USP47: variants seen among roughly 807,000 people sequenced by gnomAD.
USP47 encodes the protein ubiquitin carboxyl-terminal hydrolase 47.
In USP47, 35 loss-of-function variants were observed where a neutral mutation model predicts 165.1. That is an observed-to-expected ratio of 0.21 (90% CI 0.16 to 0.28). The LOEUF is 0.28. Ranked by LOEUF, USP47 falls within the 10% of genes least tolerant of loss-of-function variation. The pLI, the probability that USP47 is intolerant of heterozygous loss-of-function variation, is 1.00. For missense variants in USP47, 1,277 were observed against 1,607.4 expected (o/e 0.79, Z 3.52); for synonymous variants, 531 against 544.5 (o/e 0.98, Z 0.35).
chr11:11,896,751 C>T lies in USP47; in HGVS notation c.497-846C>T, dbSNP rs530951494. Among the ~76,000 whole-genome samples, 3 of 151,966 alleles carry T rather than the reference C, an allele frequency of 2.0e-5. No individual in the cohort carries two copies. In the South Asian group the frequency reaches 6.2e-4, roughly 32 times the overall value. ...CTCTAATACGGATTAAATATAGGAT[C>T]CTATGAGAACAACTCAAGTGGGGAA... On this transcript the variant is annotated intron_variant, in intron 4 of 27. Coordinates refer to ENST00000527733, the MANE Select transcript of USP47 (RefSeq NM_001282659.2).
At chr11:11,856,206 A>T (rs1185258802) in intron 1 of USP47, among the ~76,000 whole-genome samples, 1 of 152,204 alleles carries the variant, frequency 6.6e-6, no homozygotes, top group African/African-American at 2.4e-5. Context: ...TTAGGGGGCA[A>T]AAAATATTTT....
chr11:11,841,977 A>T lies in USP47; in HGVS notation c.-209A>T. 1.9e-6 allele frequency: 1 copy of T among 531,282 alleles called. No homozygotes were observed. The highest frequency in any genetic ancestry group is 3.3e-6 in the Non-Finnish European group (1 of 303,744). The allele number at this position is 531,282 out of a possible 1,614,324, so 32.9% of individuals were successfully genotyped here. A position where few individuals can be genotyped will look rare whatever the true frequency, so the allele number is the denominator to read the frequency against. ...GGGCTGGGGGAGGGGCCGACGACGA[A>T]GGCGGCTGTGGTAGCGGCGGCGGCG... On this transcript the variant is annotated 5_prime_UTR_variant, in exon 1 of 28. The change creates a new upstream start codon in the 5' untranslated region. Coordinates refer to ENST00000527733, the MANE Select transcript of USP47 (RefSeq NM_001282659.2).
At position 11,897,703 on chromosome 11, in the gene USP47, C is replaced by A; in HGVS notation, c.593+10C>A. 6.5e-7 allele frequency: 1 copy of A among 1,538,648 alleles called. No individual in the cohort carries two copies. The highest frequency in any genetic ancestry group is 1.2e-5 in the South Asian group (1 of 82,890). The stretch of plus-strand genomic sequence containing the variant: ...GGAATGCATTATATAAGTGAGTATT[C>A]AAAAAAATTGTATACATAAAATTGA... On this transcript the variant is annotated intron_variant, in intron 5 of 27. Transcript: ENST00000527733.
intron 17 of USP47, among the ~76,000 whole-genome samples, chr11:11,937,299 G>A (rs1855141018): frequency 6.6e-6 from 1 of 151,804 alleles, no homozygotes; most frequent in Non-Finnish European, 1.5e-5. Context: ...TTGCATCAGT[G>A]GTTAGTGAGA....
At position 11,956,087 on chromosome 11, in the gene USP47, G is replaced by A; in HGVS notation, c.3980G>A (p.Gly1327Glu). 6.2e-7 allele frequency: 1 copy of A among 1,611,744 alleles called. No homozygotes were observed. Among genetic ancestry groups the A allele is most frequent in the South Asian group, 1.1e-5 (1 of 90,538 alleles). The change falls in exon 28 of 28, where the codon GGA becomes GAA. Residue 1327 changes from glycine to glutamate, a missense_variant. By Grantham distance (98) the Gly-to-Glu change is moderately conservative. Around this residue, in one of 4 missense-constraint regions of USP47, gnomAD observed 909 missense variants for 1,068.1 expected, o/e 0.85. Coordinates refer to ENST00000527733, the MANE Select transcript of USP47 (RefSeq NM_001282659.2). Reference sequence around the variant, plus strand: ...GAAAGCAGTCGACTCCAGAAGACTGGACATCGTGTAACATACTCACCTCGT... The same window carrying A: ...GAAAGCAGTCGACTCCAGAAGACTGAACATCGTGTAACATACTCACCTCGT... ...KKESSRLQKT[G>E]HRVTYSPRKE...
chr11:11,882,393 T>C (rs1850889162), intron 2 of USP47, among the ~76,000 whole-genome samples: 1 of 152,188 alleles, frequency 6.6e-6, no homozygotes, highest in Non-Finnish European at 1.5e-5. Context: ...GTTGCCTGAT[T>C]TGCCCTTAAA....
At chr11:11,922,595 C>A in intron 10 of USP47, 129 bp from the exon 11 acceptor site, 1 of 675,210 alleles carries the variant, frequency 1.5e-6, no homozygotes, top group Non-Finnish European at 2.2e-6. Context: ...AATAAATGTA[C>A]TCAAAGTAAA....
chr11:11,930,163 A>AT, intron 13 of USP47, 43 bp downstream of exon 13: 1 of 1,519,082 alleles, frequency 6.6e-7, no homozygotes, highest in South Asian at 1.1e-5. Context: ...GTTAGAATTA[A>AT]TTATAGCTTC....
chr11:11,938,200 G>T, intron 17 of USP47, 57 bp from the exon 18 acceptor site: 2 of 1,481,802 alleles, frequency 1.3e-6, no homozygotes, highest in African/African-American at 1.4e-5. Flanking sequence ...CATTACTCAT[G>T]TGAAATACAT....
At chr11:11,943,210 A>G (rs1358017756) in intron 20 of USP47, 98 bp downstream of exon 20, 2 of 1,334,638 alleles carry the variant, frequency 1.5e-6, no homozygotes, top group Non-Finnish European at 1.0e-6. Flanking sequence ...TAGTTCTAAG[A>G]TCATTTGTAA....
intron 18 of USP47, among the ~76,000 whole-genome samples, chr11:11,939,649 A>C (rs1855329323): frequency 6.6e-6 from 1 of 152,012 alleles, no homozygotes; most frequent in African/African-American, 2.4e-5. Context: ...AAATGTAAAA[A>C]AAATTAGTTT....
At chr11:11,867,824 C>T (rs1441248986) in intron 1 of USP47, among the ~76,000 whole-genome samples, 1 of 151,960 alleles carries the variant, frequency 6.6e-6, no homozygotes, top group Non-Finnish European at 1.5e-5. Flanking sequence ...TTGTTTCTGC[C>T]AGGTGCCTGG....
At chr11:11,859,006 T>C (rs758891645) in intron 1 of USP47, among the ~76,000 whole-genome samples, 3 of 152,234 alleles carry the variant, frequency 2.0e-5, no homozygotes, top group South Asian at 2.1e-4. Flanking sequence ...TCTGTATCTT[T>C]GTTTACTTGG....
rs957010926 is a variant in USP47 at position 11,960,606 on chromosome 11, G to A, written c.*4431G>A. On this transcript the variant is annotated 3_prime_UTR_variant, in exon 28 of 28. Coordinates refer to ENST00000527733, the MANE Select transcript of USP47 (RefSeq NM_001282659.2). Reference sequence around the variant, plus strand: ...CTAACCTCTCCTCCCTCAACGGAGTGTCAGGGAGGGGAAGAATCTGTTTTC... The same window carrying A: ...CTAACCTCTCCTCCCTCAACGGAGTATCAGGGAGGGGAAGAATCTGTTTTC... Among the ~76,000 whole-genome samples the A allele has an allele frequency of 6.6e-6, 1 of 152,172 alleles. No homozygotes were observed. Among genetic ancestry groups the A allele is most frequent in the African/African-American group, 2.4e-5 (1 of 41,436 alleles).
intron 8 of USP47, among the ~76,000 whole-genome samples, chr11:11,908,888 T>C (rs1308328682): frequency 1.3e-5 from 2 of 152,168 alleles, no homozygotes; most frequent in Non-Finnish European, 2.9e-5. Flanking sequence ...AGTAGATATT[T>C]TGGGGAAGGT....
chr11:11,855,487 T>C (rs747261473), intron 1 of USP47, among the ~76,000 whole-genome samples: 13 of 152,180 alleles, frequency 8.5e-5, no homozygotes, highest in Non-Finnish European at 1.8e-4. Context: ...TATGCTTATA[T>C]TAAATAAAGT....
rs757780764 is a variant in USP47 at position 11,943,103 on chromosome 11, G to A, written c.3082G>A (p.Gly1028Arg). Reference sequence around the variant, plus strand: ...TGCTGCAGATGAAGGTTCTGGGGAAGGACATAAATGTATGTACTTCAAAAG... The same window carrying A: ...TGCTGCAGATGAAGGTTCTGGGGAAAGACATAAATGTATGTACTTCAAAAG... ...PYAADEGSGEGHKWLMVHVDK... is the reference protein window; with the variant it reads ...PYAADEGSGERHKWLMVHVDK... The change falls in exon 20 of 28, where the codon GGA becomes AGA. Residue 1028 changes from glycine (G) to arginine (R), a missense_variant. By Grantham distance (125) the Gly-to-Arg change is moderately radical. This residue lies in a region of USP47 where 909 missense variants were observed against 1,068.1 expected (regional missense o/e 0.85). Coordinates refer to ENST00000527733, the MANE Select transcript of USP47 (RefSeq NM_001282659.2). 5.6e-6 allele frequency: 9 copies of A among 1,605,226 alleles called. No individual in the cohort carries two copies. Among genetic ancestry groups the A allele is most frequent in the Non-Finnish European group, 7.6e-6 (9 of 1,176,508 alleles).
chr11:11,884,398 A>T, intron 2 of USP47, 69 bp from the exon 3 acceptor site: 1 of 1,087,610 alleles, frequency 9.2e-7, no homozygotes, highest in South Asian at 1.7e-5. Context: ...AAATGTAGAT[A>T]TGTATCTATT....
chr11:11,902,816 A>G lies in USP47; in HGVS notation c.695A>G (p.Glu232Gly). 1 of 1,603,708 alleles carries G rather than the reference A, an allele frequency of 6.2e-7. No individual in the cohort carries two copies. The highest frequency in any genetic ancestry group is 8.5e-7 in the Non-Finnish European group (1 of 1,174,390). Residue 232 changes from glutamate to glycine, a missense_variant, in exon 6 of 28, where the codon GAA becomes GGA. Glu to Gly is a moderately conservative substitution (Grantham distance 98, BLOSUM62 -2). Around this residue, in one of 4 missense-constraint regions of USP47, gnomAD observed 175 missense variants for 295.8 expected, o/e 0.59. Transcript: ENST00000527733. ...LLQTSKKRAIETTDVTRSFGW... is the reference protein window; with the variant it reads ...LLQTSKKRAIGTTDVTRSFGW... ...CAAACCAGCAAAAAGAGAGCAATTG[A>G]AACCACAGATGTTACAAGGAGCTTT...
Sources: gnomAD v4.1 joint callset for allele counts (sites outside exome capture counted in the v4.1 genomes callset) on GRCh38, gnomAD v4.1.1 for gene constraint, gnomAD v4.1.1 regional missense constraint, MANE v1.5 for transcripts, NCBI Gene and HGNC (gene_info 2026-07-23, HGNC 2026-07-21) for gene names.